CHST11: variants seen among roughly 807,000 people sequenced by gnomAD.
CHST11 encodes C4S-1.
A neutral mutation model predicts 30.4 loss-of-function variants in CHST11; 9 were observed. The observed-to-expected ratio is 0.30, with a 90% CI of 0.18 to 0.52. The LOEUF is 0.52. Among genes scored for constraint, CHST11 ranks in the 20% least tolerant of loss-of-function variants. The probability of loss-of-function intolerance (pLI) is 0.97; values close to 1 mark genes in which losing one functional copy is unlikely to be tolerated. For synonymous variants in CHST11, 152 were observed against 187.8 expected (o/e 0.81, Z 1.56); for missense variants, 348 against 460.6 (o/e 0.76, Z 2.24).
At chr12:104,502,541 T>G (rs2037861990) in intron 1 of CHST11, among the ~76,000 whole-genome samples, 1 of 152,170 alleles carries the variant, frequency 6.6e-6, no homozygotes, top group African/African-American at 2.4e-5. Flanking sequence ...ATGATTTATC[T>G]CCACTCCCTC....
At chr12:104,481,137 C>T (rs1356582075) in intron 1 of CHST11, among the ~76,000 whole-genome samples, 1 of 152,170 alleles carries the variant, frequency 6.6e-6, no homozygotes, top group Non-Finnish European at 1.5e-5. Context: ...AAGGTACAGC[C>T]TTTCATGACT....
intron 1 of CHST11, among the ~76,000 whole-genome samples, chr12:104,571,832 A>G (rs2038629214): frequency 6.6e-6 from 1 of 152,188 alleles, no homozygotes; most frequent in Non-Finnish European, 1.5e-5. Flanking sequence ...ATCATTCAGT[A>G]TGATATTGGC....
intron 2 of CHST11, among the ~76,000 whole-genome samples, chr12:104,682,111 G>A (rs1692914907): frequency 6.6e-6 from 1 of 152,130 alleles, no homozygotes; most frequent in African/African-American, 2.4e-5. Context: ...GGGATTACAG[G>A]CGTGAGCCAC....
intron 2 of CHST11, among the ~76,000 whole-genome samples, chr12:104,633,121 A>T (rs1349819913): frequency 6.6e-6 from 1 of 152,188 alleles, no homozygotes; most frequent in Non-Finnish European, 1.5e-5. Context: ...GGGAAGCAGG[A>T]TGAGGGGGCT....
chr12:104,717,506 G>A (rs142262234), intron 2 of CHST11, among the ~76,000 whole-genome samples: 1 of 152,278 alleles, frequency 6.6e-6, no homozygotes, highest in East Asian at 1.9e-4. Flanking sequence ...GGGCGCTGTG[G>A]CTCACACCTG....
chr12:104,677,178 G>A (rs535318266), intron 2 of CHST11, among the ~76,000 whole-genome samples: 2 of 152,256 alleles, frequency 1.3e-5, no homozygotes, highest in South Asian at 2.1e-4. Context: ...CATTATTCTC[G>A]CAATGATTAC....
In CHST11 at chr12:104,643,267, G is replaced by A. The variant is rs201193405; in HGVS notation, c.204+41276G>A. On this transcript the variant is annotated intron_variant, in intron 2 of 2. Coordinates refer to ENST00000303694, the MANE Select transcript of CHST11 (RefSeq NM_018413.6). The stretch of plus-strand genomic sequence containing the variant: ...AGCTTGAGCCCAAAAATTTGAGGCT[G>A]TAGTGAGCTATGATTGTGCCACTGT... 5.9e-5 allele frequency among the ~76,000 whole-genome samples: 9 copies of A among 152,354 alleles called. No homozygotes were observed. The East Asian group carries it at 1.5e-3, about 26-fold the overall frequency.
intron 1 of CHST11, among the ~76,000 whole-genome samples, chr12:104,579,653 T>A (rs570899565): frequency 6.6e-6 from 1 of 152,346 alleles, no homozygotes; most frequent in South Asian, 2.1e-4. Context: ...AATGTGTGGA[T>A]GCGCCGCCCC....
intron 2 of CHST11, among the ~76,000 whole-genome samples, chr12:104,743,935 G>GAT (rs1395029018): frequency 1.3e-5 from 1 of 76,438 alleles, no homozygotes; most frequent in East Asian, 2.7e-4. Flanking sequence ...CAGAGGACAT[G>GAT]ATCTCTCTTT....
chr12:104,691,680 G>C (rs1454484942), intron 2 of CHST11, among the ~76,000 whole-genome samples: 1 of 152,008 alleles, frequency 6.6e-6, no homozygotes, highest in Admixed American at 6.6e-5. Context: ...CATACAGTTG[G>C]GGTTTCACCA....
intron 1 of CHST11, among the ~76,000 whole-genome samples, chr12:104,500,423 A>G (rs1365883523): frequency 6.6e-6 from 1 of 152,238 alleles, no homozygotes; most frequent in African/African-American, 2.4e-5. Flanking sequence ...ATCAGGGGAC[A>G]AAATGAACCA....
chr12:104,756,818 A>T (rs1389695969), intron 2 of CHST11, 131 bp from the exon 3 acceptor site: 1 of 1,084,450 alleles, frequency 9.2e-7, no homozygotes, highest in African/African-American at 1.6e-5. Context: ...GAGTGCTGGG[A>T]TTAAAGGCAT....
At chr12:104,463,192 G>C in intron 1 of CHST11, among the ~76,000 whole-genome samples, 1 of 152,208 alleles carries the variant, frequency 6.6e-6, no homozygotes, top group Non-Finnish European at 1.5e-5. Flanking sequence ...TGGAGGTCAA[G>C]TGAAAAAGGC....
chr12:104,712,685 C>A (rs972264625), intron 2 of CHST11, among the ~76,000 whole-genome samples: 1 of 152,202 alleles, frequency 6.6e-6, no homozygotes, highest in Non-Finnish European at 1.5e-5. Context: ...CGGCCAGAGC[C>A]TCAGTCCCTG....
At chr12:104,598,292 G>A (rs572395678) in intron 1 of CHST11, among the ~76,000 whole-genome samples, 1 of 152,302 alleles carries the variant, frequency 6.6e-6, no homozygotes, top group South Asian at 2.1e-4. Flanking sequence ...GCCCCCAGTG[G>A]TCTAAACCTG....
chr12:104,599,404 A>G (rs920929610), intron 1 of CHST11, among the ~76,000 whole-genome samples: 5 of 152,364 alleles, frequency 3.3e-5, no homozygotes, highest in East Asian at 1.9e-4. Flanking sequence ...GTCTGCCGCC[A>G]TAGGGAGAAT....
intron 1 of CHST11, among the ~76,000 whole-genome samples, chr12:104,466,489 C>T (rs368323777): frequency 2.0e-5 from 3 of 152,198 alleles, no homozygotes; most frequent in South Asian, 2.1e-4. Flanking sequence ...TGCTTGCCAG[C>T]GGCCAAACAG....
chr12:104,486,244 C>G (rs900054947), intron 1 of CHST11, among the ~76,000 whole-genome samples: 2 of 151,506 alleles, frequency 1.3e-5, no homozygotes, highest in Non-Finnish European at 2.9e-5. Context: ...ATACCAGTCA[C>G]GGGCAGTCTT....
chr12:104,563,186 G>A (rs924482990), intron 1 of CHST11, among the ~76,000 whole-genome samples: 8 of 152,178 alleles, frequency 5.3e-5, no homozygotes, highest in Non-Finnish European at 1.0e-4. Flanking sequence ...GATTACAGGC[G>A]CTCACTACCA....
Sources: gnomAD v4.1 joint callset for allele counts (sites outside exome capture counted in the v4.1 genomes callset) on GRCh38, gnomAD v4.1.1 for gene constraint, MANE v1.5 for transcripts, NCBI Gene and HGNC (gene_info 2026-07-23, HGNC 2026-07-21) for gene names.